RIN3: variants seen among roughly 807,000 people sequenced by gnomAD.
The protein encoded by RIN3 is Ras and Rab interactor 3.
A neutral mutation model predicts 76.3 loss-of-function variants in RIN3; 54 were observed. The ratio of observed to expected loss-of-function variants is 0.71; its 90% CI spans 0.57 to 0.89. The LOEUF is 0.89. Ranked by LOEUF, RIN3 falls within the 40% of genes least tolerant of loss-of-function variation. The probability of loss-of-function intolerance (pLI) is 0.00; values close to 1 mark genes in which losing one functional copy is unlikely to be tolerated. For missense variants in RIN3, 1,256 were observed against 1,322.1 expected (o/e 0.95, Z 0.78); for synonymous variants, 576 against 564.0 (o/e 1.02, Z -0.30).
chr14:92,561,044 A>ATATATATATATATATATAT lies in RIN3; in HGVS notation c.249+5089_249+5090insTATATATATATATATATAT, dbSNP rs1410361225. Reference sequence around the variant, plus strand: ...CTAAAAAAAAAAAAAAAAAAAAAAAAATATATATATATCTGCCATATATAT... The same window carrying ATATATATATATATATATAT: ...CTAAAAAAAAAAAAAAAAAAAAAAAATATATATATATATATATATATATATATATATCTGCCATATATAT... On this transcript the variant is annotated intron_variant, in intron 2 of 9. Coordinates refer to ENST00000216487, the MANE Select transcript of RIN3 (RefSeq NM_024832.5). 1.9e-3 allele frequency among the ~76,000 whole-genome samples: 46 copies of ATATATATATATATATATAT among 24,376 alleles called. 4 individuals carry two copies. The highest frequency in any genetic ancestry group is 4.7e-3 in the African/African-American group (36 of 7,714). 16.0% of individuals were successfully genotyped at this position (24,376 alleles called of 152,430 possible).
At chr14:92,573,321 G>A (rs1265701914) in intron 2 of RIN3, among the ~76,000 whole-genome samples, 1 of 152,174 alleles carries the variant, frequency 6.6e-6, no homozygotes, top group East Asian at 1.9e-4. Context: ...CCCAAGGTTG[G>A]TGACACACCC....
At position 92,606,950 on chromosome 14, in the gene RIN3, G is replaced by T. The variant is rs971141429; in HGVS notation, c.368-8457G>T. On this transcript the variant is annotated intron_variant, in intron 3 of 9. Transcript: ENST00000216487. ...AAAAACGTGTACACAAATGTTCACA[G>T]CAGCATTACTTGTAGTAGCCAAAAT... Among the ~76,000 whole-genome samples, 18 of 152,338 alleles carry T rather than the reference G, an allele frequency of 1.2e-4. No individual in the cohort carries two copies. The East Asian group carries it at 3.1e-3, about 26-fold the overall frequency.
At position 92,688,448 on chromosome 14, in the gene RIN3, G is replaced by T. The variant is rs1566906816; in HGVS notation, c.*196G>T. ...CACTTCCTGAGGGCAAGTCCTAATAGCCCTGAGACACCGAGACGGCATGTT... is the reference window on the plus strand; with the variant it reads ...CACTTCCTGAGGGCAAGTCCTAATATCCCTGAGACACCGAGACGGCATGTT... On this transcript the variant is annotated 3_prime_UTR_variant, in exon 10 of 10. Transcript: ENST00000216487. 2 of 587,096 alleles carry T rather than the reference G, an allele frequency of 3.4e-6. No individual in the cohort carries two copies. Among genetic ancestry groups the T allele is most frequent in the Non-Finnish European group, 3.0e-6 (1 of 335,290 alleles). 36.4% of individuals were successfully genotyped at this position (587,096 alleles called of 1,614,324 possible). A position where few individuals can be genotyped will look rare whatever the true frequency, so the allele number is the denominator to read the frequency against.
chr14:92,518,151 T>TC (rs1566823862), intron 1 of RIN3, among the ~76,000 whole-genome samples: 2 of 152,256 alleles, frequency 1.3e-5, no homozygotes, highest in African/African-American at 2.4e-5. Flanking sequence ...TTTTGAATAT[T>TC]CATAGCCTTT....
intron 1 of RIN3, among the ~76,000 whole-genome samples, chr14:92,551,924 T>C (rs1214739707): frequency 6.6e-6 from 1 of 152,268 alleles, no homozygotes; most frequent in Non-Finnish European, 1.5e-5. Flanking sequence ...TTTCTGTGTC[T>C]GGTCTAATGC....
Position 92,650,066 on chromosome 14 carries a change from T to C in RIN3, c.533-1516T>C, listed in dbSNP as rs2140139673. Among the ~76,000 whole-genome samples the C allele has an allele frequency of 2.6e-5, 4 of 152,334 alleles. No homozygotes were observed. In the Middle Eastern group the frequency reaches 0.01, roughly 389 times the overall value. ...TTAGAGCGAGCACACGCTTGGCTGC[T>C]CCAGGCCATCTTGTGAGGTCTCCTT... is the stretch of plus-strand genomic sequence containing the variant. On this transcript the variant is annotated intron_variant, in intron 5 of 9. Coordinates refer to ENST00000216487, the MANE Select transcript of RIN3 (RefSeq NM_024832.5).
chr14:92,629,636 T>C (rs969096134), intron 4 of RIN3, among the ~76,000 whole-genome samples: 1 of 152,252 alleles, frequency 6.6e-6, no homozygotes, highest in African/African-American at 2.4e-5. Context: ...CCAGTAATAG[T>C]TGATGCTAAC....
At position 92,514,789 on chromosome 14, in the gene RIN3, C is replaced by T. The variant is rs1293179773; in HGVS notation, c.44+813C>T. On this transcript the variant is annotated intron_variant, in intron 1 of 9. Coordinates refer to ENST00000216487, the MANE Select transcript of RIN3 (RefSeq NM_024832.5). This position sits in a 1 kb window ranked among gnomAD's most constrained non-coding sequence, Gnocchi z 7.2. ...GAGAAAGTCCTCTCGCCTTGCCCAG[C>T]TCAGAGGGCGTCCTGAGAAGCTTCA... is the stretch of plus-strand genomic sequence containing the variant. Among the ~76,000 whole-genome samples, 1 of 152,250 alleles carries T rather than the reference C, an allele frequency of 6.6e-6. No individual in the cohort carries two copies. Among genetic ancestry groups the T allele is most frequent in the Non-Finnish European group, 1.5e-5 (1 of 68,040 alleles).
chr14:92,576,089 A>AG, intron 2 of RIN3: 1 of 496,866 alleles, frequency 2.0e-6, no homozygotes, highest in Non-Finnish European at 3.2e-6. Flanking sequence ...AGGGAGGGGA[A>AG]GACATGGACC....
intron 4 of RIN3, among the ~76,000 whole-genome samples, chr14:92,635,282 T>C (rs1470068976): frequency 6.6e-6 from 1 of 152,098 alleles, no homozygotes; most frequent in Non-Finnish European, 1.5e-5. Flanking sequence ...AGGCTCCACC[T>C]TTGTCACAGA....
At chr14:92,640,136 C>T (rs1886950341) in intron 4 of RIN3, among the ~76,000 whole-genome samples, 1 of 131,358 alleles carries the variant, frequency 7.6e-6, no homozygotes, top group East Asian at 2.4e-4. Flanking sequence ...TGGGAGATGC[C>T]TGACTGTGTG....
intron 4 of RIN3, among the ~76,000 whole-genome samples, chr14:92,624,068 G>A (rs879837860): frequency 2.0e-5 from 3 of 152,248 alleles, no homozygotes; most frequent in Non-Finnish European, 4.4e-5. Context: ...CCTACCTTGC[G>A]CACAAGCGTA....
In RIN3 at chr14:92,681,448, G is replaced by A. The variant is rs976323496; in HGVS notation, c.2468-3539G>A. On this transcript the variant is annotated intron_variant, in intron 8 of 9. Coordinates refer to ENST00000216487, the MANE Select transcript of RIN3 (RefSeq NM_024832.5). The surrounding 1 kb of genome is among the most constrained non-coding windows in gnomAD (Gnocchi z 4.7). The stretch of plus-strand genomic sequence containing the variant: ...CCACCATGCGTTATTCACACATTCC[G>A]AAGCCCTGTACTTTACACATACTCA... 6.6e-6 allele frequency among the ~76,000 whole-genome samples: 1 copy of A among 152,186 alleles called. No homozygotes were observed. The highest frequency in any genetic ancestry group is 2.1e-4 in the South Asian group (1 of 4,828).
At chr14:92,626,594 G>T (rs1386073029) in intron 4 of RIN3, among the ~76,000 whole-genome samples, 1 of 152,148 alleles carries the variant, frequency 6.6e-6, no homozygotes, top group Non-Finnish European at 1.5e-5. Flanking sequence ...GTCCCTTTAG[G>T]GAAGGATACT....
At chr14:92,666,905 G>A (rs939711747) in intron 7 of RIN3, among the ~76,000 whole-genome samples, 2 of 152,180 alleles carry the variant, frequency 1.3e-5, no homozygotes, top group African/African-American at 2.4e-5. Context: ...TACCACCCAC[G>A]TGAGCTTCTG....
chr14:92,658,955 T>G (rs891166457), intron 6 of RIN3, among the ~76,000 whole-genome samples: 6 of 152,340 alleles, frequency 3.9e-5, no homozygotes, highest in Non-Finnish European at 8.8e-5. Context: ...TCCCAGGGGC[T>G]CCTGTGCCAG....
At chr14:92,650,099 C>T (rs1442696212) in intron 5 of RIN3, among the ~76,000 whole-genome samples, 1 of 152,240 alleles carries the variant, frequency 6.6e-6, no homozygotes, top group Non-Finnish European at 1.5e-5. Flanking sequence ...CTTTCAACAT[C>T]AAGAGCCTGT....
intron 7 of RIN3, among the ~76,000 whole-genome samples, chr14:92,672,187 C>G (rs553345241): frequency 2.4e-3 from 370 of 152,130 alleles, no homozygotes; most frequent in Non-Finnish European, 4.5e-3. Flanking sequence ...GAGCGGATCA[C>G]TTGAGGTCAG....
At chr14:92,676,409 TG>T in intron 7 of RIN3, 65 bp from the exon 8 acceptor site, 1 of 1,581,106 alleles carries the variant, frequency 6.3e-7, no homozygotes, top group South Asian at 1.1e-5. Context: ...TCCCCTACCC[TG>T]GGCAGAGAGC....
Sources: gnomAD v4.1 joint callset for allele counts (sites outside exome capture counted in the v4.1 genomes callset) on GRCh38, gnomAD v4.1.1 for gene constraint, Gnocchi (gnomAD v3.1) non-coding constraint, MANE v1.5 for transcripts, NCBI Gene and HGNC (gene_info 2026-07-23, HGNC 2026-07-21) for gene names.